HK3: variants seen among roughly 807,000 people sequenced by gnomAD.
The protein encoded by HK3 is hexokinase 3.
In HK3, 93 loss-of-function variants were observed where a neutral mutation model predicts 91.0. That is an observed-to-expected ratio of 1.02 (90% CI 0.86 to 1.21). The LOEUF (loss-of-function observed/expected upper bound fraction) is 1.21. HK3 is among the 50% of genes most tolerant of loss of function. The pLI, the probability that HK3 is intolerant of heterozygous loss-of-function variation, is 0.00. For missense variants in HK3, 1,235 were observed against 1,247.4 expected (o/e 0.99, Z 0.15); for synonymous variants, 519 against 516.9 (o/e 1.00, Z -0.06).
rs777582395 is a variant in HK3 at position 176,889,655 on chromosome 5, C to G, written c.720G>C (p.Gly240=). ...TGGTCCATGGCTCACCTACAACTAG[C>G]CCAACCTCACACGGCCTGACCCCCG... ...CEPGVRPCEV[G]LVVDTGTNAC... is the part of the protein sequence containing the mutation. The change falls in exon 7 of 19, where the codon GGG becomes GGC. Residue 240 remains glycine (G), a synonymous_variant. Transcript: ENST00000292432. 6.2e-7 allele frequency: 1 copy of G among 1,614,198 alleles called. No individual in the cohort carries two copies. The highest frequency in any genetic ancestry group is 8.5e-7 in the Non-Finnish European group (1 of 1,180,032).
At position 176,882,059 on chromosome 5, in the gene HK3, G is replaced by A. The variant is rs532202824; in HGVS notation, c.2122C>T (p.Arg708Cys). The A allele has an allele frequency of 1.1e-5, 17 of 1,612,954 alleles. No homozygotes were observed. In the South Asian group the frequency reaches 1.2e-4, roughly 11 times the overall value. ...NVAGVPGDSG[R>C]MCINMEWGAF... is the part of the protein sequence containing the mutation. ...CCCCACTCCATGTTGATGCACATGC[G>A]GCCTGAGTCCCCAGGCACGCCCGCC... is the stretch of plus-strand genomic sequence containing the variant. Residue 708 changes from arginine to cysteine, a missense_variant, in exon 16 of 19, where the codon CGC (arginine) becomes TGC (cysteine). Physicochemically the swap from Arg to Cys is radical, Grantham distance 180. Coordinates refer to ENST00000292432, the MANE Select transcript of HK3 (RefSeq NM_002115.3).
chr5:176,881,983 G>C lies in HK3; in HGVS notation c.2198C>G (p.Ala733Gly), dbSNP rs78805667. The change falls in exon 16 of 19, where the codon GCA (alanine) becomes GGA (glycine). Residue 733 changes from alanine to glycine, a missense_variant. By Grantham distance (60) the Ala-to-Gly change is moderately conservative. Around this residue, in one of 3 missense-constraint regions of HK3, gnomAD observed 513 missense variants for 477.4 expected, o/e 1.07. Transcript: ENST00000292432. Reference sequence around the variant, plus strand: ...GTTGATGGACGCCTGGTCCACACTTGCATCAAAGCGGGTGCTGAGCATGGC... The same window carrying C: ...GTTGATGGACGCCTGGTCCACACTTCCATCAAAGCGGGTGCTGAGCATGGC... Reference protein sequence around the residue: ...SLAMLSTRFDASVDQASINPG... With the variant: ...SLAMLSTRFDGSVDQASINPG... The C allele has an allele frequency of 6.6e-4, 1,065 of 1,613,562 alleles. 5 individuals carry two copies. In the African/African-American group the frequency reaches 0.013, roughly 19 times the overall value.
chr5:176,886,943 A>C, intron 13 of HK3, 59 bp downstream of exon 13: 1 of 1,600,436 alleles, frequency 6.2e-7, no homozygotes. Flanking sequence ...TGCCCACTCC[A>C]TGAAGGGTAT....
chr5:176,894,642 A>G (rs1244194146), intron 2 of HK3, among the ~76,000 whole-genome samples: 1 of 152,192 alleles, frequency 6.6e-6, no homozygotes, highest in Non-Finnish European at 1.5e-5. Context: ...GGAGCATGAA[A>G]TGCAGCGAGG....
intron 1 of HK3, among the ~76,000 whole-genome samples, chr5:176,898,478 GACTAAGGGCTAC>G (rs72346307): frequency 0.1 from 15,595 of 152,186 alleles, 1,715 homozygotes; most frequent in African/African-American, 0.28. Flanking sequence ...CTTCGAAAAG[GACTAAGGGCTAC>G]ACACGTGTCT....
chr5:176,898,632 C>G (rs1758964963), intron 1 of HK3, among the ~76,000 whole-genome samples: 1 of 152,168 alleles, frequency 6.6e-6, no homozygotes, highest in African/African-American at 2.4e-5. Flanking sequence ...TATTTATATG[C>G]TAGGTAAATG....
chr5:176,885,667 G>A lies in HK3; in HGVS notation c.1857+1335C>T, dbSNP rs569729507. On this transcript the variant is annotated intron_variant, in intron 13 of 18. Transcript: ENST00000292432. Reference sequence around the variant, plus strand: ...GAAATCCTGATCTCATGATTCACCCGTCTCAGACTCTCAAAGTGCTGGGAT... The same window carrying A: ...GAAATCCTGATCTCATGATTCACCCATCTCAGACTCTCAAAGTGCTGGGAT... Among the ~76,000 whole-genome samples, 11 of 151,970 alleles carry A rather than the reference G, an allele frequency of 7.2e-5. No homozygotes were observed. The South Asian group carries it at 8.3e-4, about 12-fold the overall frequency.
chr5:176,882,203 A>G (rs1357836417), intron 15 of HK3, 76 bp from the exon 16 acceptor site: 2 of 1,485,192 alleles, frequency 1.3e-6, no homozygotes, highest in African/African-American at 2.8e-5. Context: ...CCATACCGAG[A>G]TGGCAACGAT....
rs1323200775 is a variant in HK3, at chr5:176,887,207, C to T, written c.1731G>A (p.Gly577=). The stretch of plus-strand genomic sequence containing the variant: ...AGGTTCAGGCTGTGGGTACCTGCTG[C>T]CCAGAACCCTGGGCCACAGTCTCGG... ...SIPETVAQGS[G]QQLFDHIVDC... Residue 577 remains glycine (G), a synonymous_variant, in exon 12 of 19, where the codon GGG becomes GGA. Transcript: ENST00000292432. The surrounding 1 kb of genome is among the most constrained non-coding windows in gnomAD (Gnocchi z 4.9). 1.2e-6 allele frequency: 2 copies of T among 1,613,990 alleles called. No homozygotes were observed. The highest frequency in any genetic ancestry group is 1.7e-6 in the Non-Finnish European group (2 of 1,180,036).
At chr5:176,891,885 G>A (rs1758786182) in intron 2 of HK3, among the ~76,000 whole-genome samples, 1 of 152,152 alleles carries the variant, frequency 6.6e-6, no homozygotes, top group African/African-American at 2.4e-5. Context: ...GGCTCCCCAG[G>A]ACCCACAGCA....
chr5:176,893,441 C>A (rs1249491973), intron 2 of HK3, among the ~76,000 whole-genome samples: 1 of 152,184 alleles, frequency 6.6e-6, no homozygotes, highest in Non-Finnish European at 1.5e-5. Flanking sequence ...GCCTCAGTCA[C>A]CTCTTCGTGC....
intron 8 of HK3, among the ~76,000 whole-genome samples, 161 bp from the exon 9 acceptor site, chr5:176,889,025 C>T (rs1251051628): frequency 1.3e-5 from 2 of 152,308 alleles, no homozygotes; most frequent in East Asian, 3.9e-4. Flanking sequence ...TGGGTGTATG[C>T]CCAGACCCCA....
At position 176,884,768 on chromosome 5, in the gene HK3, G is replaced by A. The variant is rs1297070520; in HGVS notation, c.1858-634C>T. 6.6e-6 allele frequency among the ~76,000 whole-genome samples: 1 copy of A among 152,210 alleles called. No homozygotes were observed. Among genetic ancestry groups the A allele is most frequent in the African/African-American group, 2.4e-5 (1 of 41,442 alleles). On this transcript the variant is annotated intron_variant, in intron 13 of 18. Coordinates refer to ENST00000292432, the MANE Select transcript of HK3 (RefSeq NM_002115.3). This position sits in a 1 kb window ranked among gnomAD's most constrained non-coding sequence, Gnocchi z 4.1. The stretch of plus-strand genomic sequence containing the variant: ...CCTGGAAAGGAATGCTGTTTTCTTA[G>A]TGTGCGTCCTCTGAGGGAGGGGGCA...
chr5:176,897,481 C>A (rs1307142346), intron 1 of HK3, among the ~76,000 whole-genome samples: 1 of 152,120 alleles, frequency 6.6e-6, no homozygotes, highest in African/African-American at 2.4e-5. Flanking sequence ...ACCTTCCCAC[C>A]CCTACACTCC....
Position 176,881,315 on chromosome 5 carries a change from T to C in HK3, c.2614A>G (p.Lys872Glu). 1 of 1,613,804 alleles carries C rather than the reference T, an allele frequency of 6.2e-7. No homozygotes were observed. Among genetic ancestry groups the C allele is most frequent in the Non-Finnish European group, 8.5e-7 (1 of 1,179,928 alleles). Residue 872 changes from lysine to glutamate, a missense_variant, in exon 18 of 19, where the codon AAG becomes GAG. Physicochemically the swap from Lys to Glu is moderately conservative, Grantham distance 56 (BLOSUM62 1). Coordinates refer to ENST00000292432, the MANE Select transcript of HK3 (RefSeq NM_002115.3). ...VSVGVDGTLY[K>E]LHPRFSSLVA... is the part of the protein sequence containing the mutation. Reference sequence around the variant, plus strand: ...ACCCAGACTCACCGCGGGTGCAGCTTGTAGAGCGTTCCATCCACCCCCACA... The same window carrying C: ...ACCCAGACTCACCGCGGGTGCAGCTCGTAGAGCGTTCCATCCACCCCCACA...
intron 15 of HK3, 30 bp downstream of exon 15, chr5:176,883,740 A>AG (rs761278572): frequency 3.7e-5 from 58 of 1,550,908 alleles, no homozygotes; most frequent in Non-Finnish European, 4.5e-5. Flanking sequence ...GCCAAGCAGT[A>AG]GGGGCATGAA....
At position 176,881,025 on chromosome 5, in the gene HK3, C is replaced by G. The variant is rs370800201; in HGVS notation, c.*48G>C. On this transcript the variant is annotated 3_prime_UTR_variant, in exon 19 of 19. Transcript: ENST00000292432. ...GCTGGGAAACAGGCAGACCCCGACC[C>G]GGCTCCAGCAAGGCTGCGGCGGAGA... 3 of 1,541,368 alleles carry G rather than the reference C, an allele frequency of 1.9e-6. No individual in the cohort carries two copies. The highest frequency in any genetic ancestry group is 4.6e-5 in the East Asian group (2 of 43,722).
At chr5:176,890,985 T>C in intron 4 of HK3, 44 bp from the exon 5 acceptor site, 2 of 1,613,924 alleles carry the variant, frequency 1.2e-6, no homozygotes, top group Non-Finnish European at 1.7e-6. Context: ...ATCTGAGCCC[T>C]AGCCACCCAG....
At chr5:176,893,913 C>T (rs1223083335) in intron 2 of HK3, among the ~76,000 whole-genome samples, 1 of 152,194 alleles carries the variant, frequency 6.6e-6, no homozygotes, top group African/African-American at 2.4e-5. Context: ...CATTAGAGAG[C>T]ATGTGAAGTC....
Sources: gnomAD v4.1 joint callset for allele counts (sites outside exome capture counted in the v4.1 genomes callset) on GRCh38, gnomAD v4.1.1 for gene constraint, gnomAD v4.1.1 regional missense constraint, Gnocchi (gnomAD v3.1) non-coding constraint, MANE v1.5 for transcripts, NCBI Gene and HGNC (gene_info 2026-07-23, HGNC 2026-07-21) for gene names.